The following ASIC5 variants were observed in gnomAD, a reference collection of about 807,000 sequenced individuals.
ASIC5 encodes acid sensing ion channel subunit family member 5.
In ASIC5, 52 loss-of-function variants were observed where a neutral mutation model predicts 51.2. The observed-to-expected ratio is 1.02, with a 90% confidence interval of 0.81 to 1.28. The LOEUF is 1.28. Among genes scored for constraint, ASIC5 ranks in the 50% most tolerant of loss-of-function variants. The probability of loss-of-function intolerance (pLI) is 0.00; values close to 1 mark genes in which losing one functional copy is unlikely to be tolerated. For missense variants in ASIC5, 635 were observed against 595.0 expected (o/e 1.07, Z -0.70); for synonymous variants, 231 against 200.7 (o/e 1.15, Z -1.28).
chr4:155,839,393 C>A (rs1741067115), intron 6 of ASIC5, among the ~76,000 whole-genome samples: 1 of 151,210 alleles, frequency 6.6e-6, no homozygotes, highest in Non-Finnish European at 1.5e-5. Flanking sequence ...ACGTTCCTGA[C>A]AGACTGCCAT....
intron 4 of ASIC5, 81 bp downstream of exon 4, chr4:155,852,110 T>C: frequency 6.9e-7 from 1 of 1,448,474 alleles, no homozygotes; most frequent in East Asian, 2.3e-5. Context: ...GGGAACTATC[T>C]GATATGGCCC....
chr4:155,836,564 C>A, intron 8 of ASIC5, 125 bp downstream of exon 8: 1 of 560,704 alleles, frequency 1.8e-6, no homozygotes, highest in South Asian at 3.4e-5. Context: ...ATTGTCAGTT[C>A]AGTGAAAAAA....
In ASIC5 at chr4:155,843,880, TC is replaced by T. The variant is rs749568304; in HGVS notation, c.712-51del. On this transcript the variant is annotated intron_variant, in intron 4 of 9. Coordinates refer to ENST00000537611, the MANE Select transcript of ASIC5 (RefSeq NM_017419.3). ...CAAATTGCAAATTGACTATATCAGT[TC>T]TAAACAAGTTTAGGATTTAGTTTTA... 3.8e-6 allele frequency: 6 copies of T among 1,573,550 alleles called. No homozygotes were observed. In the Admixed American group the frequency reaches 8.4e-5, roughly 22 times the overall value.
intron 9 of ASIC5, among the ~76,000 whole-genome samples, chr4:155,830,589 T>C (rs1180653231): frequency 6.6e-6 from 1 of 152,206 alleles, no homozygotes; most frequent in Non-Finnish European, 1.5e-5. Flanking sequence ...TGTGGTAAAA[T>C]ATATATACCC....
intron 4 of ASIC5, 63 bp from the exon 5 acceptor site, chr4:155,843,893 A>C: frequency 6.6e-7 from 1 of 1,516,234 alleles, no homozygotes; most frequent in East Asian, 2.3e-5. Flanking sequence ...AAACAAGTTT[A>C]GGATTTAGTT....
intron 2 of ASIC5, among the ~76,000 whole-genome samples, chr4:155,858,677 G>C (rs1579298754): frequency 6.6e-6 from 1 of 151,952 alleles, no homozygotes; most frequent in Non-Finnish European, 1.5e-5. Context: ...GGCAGTAGGG[G>C]AAAAAGGAAA....
Position 155,843,731 on chromosome 4 carries a change from A to G in ASIC5, c.811T>C (p.Leu271=). Residue 271 remains leucine, a synonymous_variant, in exon 5 of 10, where the codon TTG becomes CTG. Coordinates refer to ENST00000537611, the MANE Select transcript of ASIC5 (RefSeq NM_017419.3). The part of the protein sequence containing the change: ...KKVPQFDGLG[L]LSPVGMHARV... Reference sequence around the variant, plus strand: ...GCGTGCATTCCCACAGGTGACAACAAGCCTAACCCATCAAACTGTGGCACC... The same window carrying G: ...GCGTGCATTCCCACAGGTGACAACAGGCCTAACCCATCAAACTGTGGCACC... 8.1e-6 allele frequency: 13 copies of G among 1,613,672 alleles called. No individual in the cohort carries two copies. Among genetic ancestry groups the G allele is most frequent in the Non-Finnish European group, 1.0e-5 (12 of 1,179,728 alleles).
At chr4:155,864,246 C>T (rs1263303519) in intron 1 of ASIC5, among the ~76,000 whole-genome samples, 2 of 152,200 alleles carry the variant, frequency 1.3e-5, no homozygotes, top group African/African-American at 4.8e-5. Context: ...CTTTCATTCT[C>T]GTATTCTTTA....
chr4:155,862,010 G>A (rs1006177872), intron 2 of ASIC5, among the ~76,000 whole-genome samples: 1 of 152,034 alleles, frequency 6.6e-6, no homozygotes, highest in African/African-American at 2.4e-5. Context: ...AGAAAAGTTT[G>A]CCTTTTAAGA....
At chr4:155,839,348 T>TACACACACAC (rs60209135) in intron 6 of ASIC5, among the ~76,000 whole-genome samples, 316 of 147,448 alleles carry the variant, frequency 2.1e-3, no homozygotes, top group African/African-American at 7.6e-3. Context: ...TCTATCCATT[T>TACACACACAC]ACACACACAC....
intron 6 of ASIC5, among the ~76,000 whole-genome samples, chr4:155,840,520 T>C (rs899133721): frequency 6.7e-6 from 1 of 149,588 alleles, no homozygotes; most frequent in Admixed American, 6.7e-5. Flanking sequence ...TTTTTACTTT[T>C]ATTATTACAT....
intron 2 of ASIC5, among the ~76,000 whole-genome samples, chr4:155,858,327 C>G (rs1326424846): frequency 6.6e-6 from 1 of 151,930 alleles, no homozygotes; most frequent in African/African-American, 2.4e-5. Flanking sequence ...GTGAAAGAAA[C>G]TTTTGAAAAT....
In ASIC5 at chr4:155,836,870, T is replaced by C. The variant is rs931682400; in HGVS notation, c.1067-13A>G. ...AATTCAATGTGGTCTGAAATGAAAATCAGGACAGGGAATTCAGAGAAGAGA... is the reference window on the plus strand; with the variant it reads ...AATTCAATGTGGTCTGAAATGAAAACCAGGACAGGGAATTCAGAGAAGAGA... On this transcript the variant is annotated splice_polypyrimidine_tract_variant and intron_variant, in intron 7 of 9. Coordinates refer to ENST00000537611, the MANE Select transcript of ASIC5 (RefSeq NM_017419.3). 3.8e-6 allele frequency: 6 copies of C among 1,569,206 alleles called. No individual in the cohort carries two copies. The Middle Eastern group carries it at 5.1e-4, about 132-fold the overall frequency.
intron 2 of ASIC5, among the ~76,000 whole-genome samples, chr4:155,858,164 G>A (rs1307481638): frequency 6.6e-6 from 1 of 151,990 alleles, no homozygotes; most frequent in African/African-American, 2.4e-5. Flanking sequence ...TAGACACAAA[G>A]ACATTTGAAA....
chr4:155,854,215 A>T lies in ASIC5; in HGVS notation c.447T>A (p.Thr149=). 6.2e-7 allele frequency: 1 copy of T among 1,613,362 alleles called. No homozygotes were observed. The highest frequency in any genetic ancestry group is 8.5e-7 in the Non-Finnish European group (1 of 1,179,556). Residue 149 remains threonine (T), a synonymous_variant, in exon 3 of 10, where the codon ACT becomes ACA. Transcript: ENST00000537611. ...LHLQEITANS[T]GSREATDFAA... ...CAAAATCAGTAGCCTCTCTAGAGCCAGTGGAATTGGCAGTAATTTCTTGAA... is the reference window on the plus strand; with the variant it reads ...CAAAATCAGTAGCCTCTCTAGAGCCTGTGGAATTGGCAGTAATTTCTTGAA...
At chr4:155,855,077 C>T (rs967454561) in intron 2 of ASIC5, among the ~76,000 whole-genome samples, 6 of 152,158 alleles carry the variant, frequency 3.9e-5, no homozygotes, top group East Asian at 1.9e-4. Flanking sequence ...GCTCCTGCAA[C>T]GAAGTGGGGC....
intron 1 of ASIC5, chr4:155,864,524 A>G (rs1221305867): frequency 4.6e-5 from 7 of 152,122 alleles, no homozygotes; most frequent in Non-Finnish European, 1.0e-4. Context: ...GAGGCAATGA[A>G]TCCCTTTGTG....
chr4:155,854,103 A>C lies in ASIC5; in HGVS notation c.559T>G (p.Phe187Val), dbSNP rs758718073. The C allele has an allele frequency of 1.2e-6, 2 of 1,612,570 alleles. No homozygotes were observed. The highest frequency in any genetic ancestry group is 1.7e-6 in the Non-Finnish European group (2 of 1,179,236). ...TTTGGGCTACATGGCTTTCCAAAAA[A>C]CTCACAGTCCAACAAAGTGCTATTG... ...LNNSTLLDCE[F>V]FGKPCSPKDF... The change falls in exon 3 of 10, where the codon TTT (phenylalanine) becomes GTT (valine). Residue 187 changes from phenylalanine (F) to valine (V), a missense_variant. By Grantham distance (50) the Phe-to-Val change is conservative. Coordinates refer to ENST00000537611, the MANE Select transcript of ASIC5 (RefSeq NM_017419.3).
chr4:155,845,536 TA>T (rs201676182), intron 4 of ASIC5, among the ~76,000 whole-genome samples: 5,685 of 151,446 alleles, frequency 0.038, 195 homozygotes, highest in Middle Eastern at 0.14. Flanking sequence ...ATATCTTTGT[TA>T]AAAAAAAATT....
Sources: allele counts gnomAD v4.1 joint callset (sites outside exome capture counted in the v4.1 genomes callset), GRCh38; gene constraint gnomAD v4.1.1; transcripts MANE v1.5; gene names NCBI Gene and HGNC (gene_info 2026-07-23, HGNC 2026-07-21).